ALG12: variants seen among roughly 807,000 people sequenced by gnomAD.
ALG12 encodes the protein ALG12 alpha-1,6-mannosyltransferase.
ALG12 carries 36 observed loss-of-function variants against 46.0 expected under a neutral mutation model. That is an observed-to-expected ratio of 0.78 (90% confidence interval 0.60 to 1.03). The LOEUF is 1.03. Among genes scored for constraint, ALG12 ranks in the 50% least tolerant of loss-of-function variants. ALG12 has a pLI of 0.00. For missense variants in ALG12, 599 were observed against 633.5 expected, an observed-to-expected ratio of 0.95 and a Z score of 0.58; for synonymous variants, 326 against 291.6, an observed-to-expected ratio of 1.12 and a Z score of -1.20.
chr22:49,886,254 C>T, the ALG12 span: 3 of 1,202,744 alleles, frequency 2.5e-6, no homozygotes, highest in African/African-American at 1.5e-5. The surrounding 1 kb of genome is among the most constrained non-coding windows in gnomAD (Gnocchi z 7.7). Context: ...ACCGGTCGCC[C>T]AAGGCGAAGG....
rs2060539914 is a variant in ALG12, at chr22:49,905,971, C to T, written c.993-1465G>A. On this transcript the variant is annotated intron_variant, in intron 7 of 9. Transcript: ENST00000330817. The surrounding 1 kb of genome is among the most constrained non-coding windows in gnomAD (Gnocchi z 4.9). ...CTCGCAATCAGAAACCTTCCACCCCCAGGACTGTCTCAAGGCCCTGGGCCC... is the reference window on the plus strand; with the variant it reads ...CTCGCAATCAGAAACCTTCCACCCCTAGGACTGTCTCAAGGCCCTGGGCCC... Among the ~76,000 whole-genome samples, 2 of 152,158 alleles carry T rather than the reference C, an allele frequency of 1.3e-5. No homozygotes were observed. Among genetic ancestry groups the T allele is most frequent in the South Asian group, 4.1e-4 (2 of 4,832 alleles).
chr22:49,914,663 T>C (rs960841656), intron 1 of ALG12, among the ~76,000 whole-genome samples: 3 of 152,226 alleles, frequency 2.0e-5, no homozygotes, highest in African/African-American at 7.2e-5. Context: ...GATTTGATTT[T>C]ATTCAATCCA....
At chr22:49,890,923 G>A in the ALG12 span, among the ~76,000 whole-genome samples, 9 of 152,130 alleles carry the variant, frequency 5.9e-5, no homozygotes, top group South Asian at 2.1e-4. Context: ...CCAGCTACTC[G>A]GAAGGCTGAG....
downstream of ALG12, among the ~76,000 whole-genome samples, chr22:49,897,934 C>T (rs1430027339): frequency 6.6e-6 from 1 of 152,106 alleles, no homozygotes; most frequent in Non-Finnish European, 1.5e-5. Flanking sequence ...GCTAGGATTA[C>T]AGGCGTGAGC....
the ALG12 span, among the ~76,000 whole-genome samples, chr22:49,890,354 A>G: frequency 6.6e-6 from 1 of 152,182 alleles, no homozygotes; most frequent in Admixed American, 6.5e-5. Context: ...TTTATTTCTC[A>G]ATGTAAGCTC....
At chr22:49,907,010 T>A (rs1257202513) in intron 7 of ALG12, among the ~76,000 whole-genome samples, 1 of 152,104 alleles carries the variant, frequency 6.6e-6, no homozygotes, top group Non-Finnish European at 1.5e-5. Context: ...CTCCATCACC[T>A]GCTGCCTGCA....
At chr22:49,916,154 G>A (rs867406715) in intron 1 of ALG12, among the ~76,000 whole-genome samples, 2 of 152,164 alleles carry the variant, frequency 1.3e-5, no homozygotes, top group Non-Finnish European at 2.9e-5. Context: ...TTGGGAGGCT[G>A]AGGCAGGAGA....
At chr22:49,884,188 G>A in the ALG12 span, 20 of 1,608,174 alleles carry the variant, frequency 1.2e-5, no homozygotes, top group East Asian at 4.5e-5. Flanking sequence ...AAATGGCAGT[G>A]TGTCTGCCGT....
the ALG12 span, chr22:49,887,485 T>G: frequency 3.8e-6 from 1 of 261,270 alleles, no homozygotes; most frequent in African/African-American, 2.2e-5. Flanking sequence ...TTTGTTTTAC[T>G]AGAATGACAA....
At chr22:49,869,217 A>G in the ALG12 span, among the ~76,000 whole-genome samples, 1 of 151,866 alleles carries the variant, frequency 6.6e-6, no homozygotes, top group African/African-American at 2.4e-5. Flanking sequence ...GTCAGTGTGA[A>G]GTTGTGGCTT....
At chr22:49,913,961 A>T (rs1407727345) in intron 1 of ALG12, 118 bp from the exon 2 acceptor site, 18 of 659,244 alleles carry the variant, frequency 2.7e-5, no homozygotes, top group Non-Finnish European at 4.4e-5. Context: ...GCACTACTAC[A>T]AATCTGAAAA....
chr22:49,887,262 CG>C, the ALG12 span: 1 of 1,412,636 alleles, frequency 7.1e-7, no homozygotes, highest in East Asian at 2.3e-5. Context: ...GCTCTGCCCA[CG>C]GCTGTGTACG....
At chr22:49,871,176 C>G in the ALG12 span, among the ~76,000 whole-genome samples, 1 of 5,462 alleles carries the variant, frequency 1.8e-4, no homozygotes, top group Non-Finnish European at 3.2e-4. Flanking sequence ...TCCCAAAGTG[C>G]TAGGACTACA....
At chr22:49,895,026 C>T in the ALG12 span, among the ~76,000 whole-genome samples, 23 of 152,160 alleles carry the variant, frequency 1.5e-4, no homozygotes, top group African/African-American at 3.6e-4. Context: ...GGAGCATTGC[C>T]GCTGGGGGCA....
the ALG12 span, among the ~76,000 whole-genome samples, chr22:49,881,834 T>C: frequency 6.6e-6 from 1 of 152,144 alleles, no homozygotes; most frequent in East Asian, 1.9e-4. Context: ...GCCTGGCCTG[T>C]GTTAATTTTT....
the ALG12 span, chr22:49,883,838 C>A: frequency 1.2e-6 from 2 of 1,610,342 alleles, no homozygotes; most frequent in Non-Finnish European, 1.7e-6. Flanking sequence ...GGGGAGCGAG[C>A]GGGCCTCGGT....
At chr22:49,912,819 A>G (rs2060586238) in intron 3 of ALG12, among the ~76,000 whole-genome samples, 1 of 152,120 alleles carries the variant, frequency 6.6e-6, no homozygotes, top group Non-Finnish European at 1.5e-5. Context: ...GTGAGCTATG[A>G]TTGCACCACT....
the ALG12 span, among the ~76,000 whole-genome samples, chr22:49,865,636 C>T: frequency 6.6e-6 from 1 of 152,132 alleles, no homozygotes; most frequent in African/African-American, 2.4e-5. Flanking sequence ...GATCACACCA[C>T]TGCACTCCAG....
the ALG12 span, among the ~76,000 whole-genome samples, chr22:49,882,723 C>T: frequency 6.6e-6 from 1 of 152,198 alleles, no homozygotes; most frequent in African/African-American, 2.4e-5. Context: ...TGACTGTCTC[C>T]TCTTGGCTGC....
Sources: gnomAD v4.1 joint callset for allele counts (sites outside exome capture counted in the v4.1 genomes callset) on GRCh38, gnomAD v4.1.1 for gene constraint, Gnocchi (gnomAD v3.1) non-coding constraint, MANE v1.5 for transcripts, NCBI Gene and HGNC (gene_info 2026-07-23, HGNC 2026-07-21) for gene names.